The following LRRTM4 variants were observed in gnomAD, a reference collection of about 807,000 sequenced individuals.
LRRTM4 encodes leucine-rich repeat transmembrane neuronal protein 4.
A neutral mutation model predicts 47.6 loss-of-function variants in LRRTM4; 25 were observed. The observed-to-expected ratio is 0.53, with a 90% CI of 0.38 to 0.73. The LOEUF (loss-of-function observed/expected upper bound fraction) is 0.73. Among genes scored for constraint, LRRTM4 ranks in the 30% least tolerant of loss-of-function variants. The probability of loss-of-function intolerance (pLI) is 0.00; values close to 1 mark genes in which losing one functional copy is unlikely to be tolerated. For missense variants in LRRTM4, 638 were observed against 713.4 expected (o/e 0.89, Z 1.20); for synonymous variants, 311 against 269.5 (o/e 1.15, Z -1.51).
intron 3 of LRRTM4, among the ~76,000 whole-genome samples, chr2:77,336,281 A>G (rs1671166210): frequency 6.7e-6 from 1 of 149,814 alleles, no homozygotes; most frequent in African/African-American, 2.5e-5. Context: ...AGGAAGGGAG[A>G]AAGGAAACAA....
chr2:76,941,613 G>A (rs1041191327), intron 3 of LRRTM4, among the ~76,000 whole-genome samples: 7 of 151,960 alleles, frequency 4.6e-5, no homozygotes, highest in Admixed American at 2.6e-4. Flanking sequence ...TGGTTTCCAG[G>A]TCATAAATGT....
chr2:77,430,047 C>A (rs1199906169), intron 3 of LRRTM4, among the ~76,000 whole-genome samples: 3 of 151,618 alleles, frequency 2.0e-5, no homozygotes, highest in Non-Finnish European at 4.4e-5. Flanking sequence ...GCAGCCTGGG[C>A]AGCAGAGTAA....
chr2:77,362,143 A>AAGAAAGAAAGAAAG, intron 3 of LRRTM4, among the ~76,000 whole-genome samples: 1 of 149,652 alleles, frequency 6.7e-6, no homozygotes, highest in Admixed American at 6.7e-5. Context: ...GAAAGAAAGA[A>AAGAAAGAAAGAAAG]AGAAAGAAAG....
At chr2:77,261,840 G>A (rs927883444) in intron 3 of LRRTM4, among the ~76,000 whole-genome samples, 1 of 151,994 alleles carries the variant, frequency 6.6e-6, no homozygotes, top group Non-Finnish European at 1.5e-5. Context: ...TTACAGTAGA[G>A]GTCCTATACA....
At chr2:77,388,818 T>C (rs1258020225) in intron 3 of LRRTM4, among the ~76,000 whole-genome samples, 1 of 152,106 alleles carries the variant, frequency 6.6e-6, no homozygotes, top group Non-Finnish European at 1.5e-5. Flanking sequence ...AAAATCTGTA[T>C]GTATTTATAC....
intron 3 of LRRTM4, among the ~76,000 whole-genome samples, chr2:77,089,089 A>T (rs1483667226): frequency 1.3e-5 from 2 of 152,088 alleles, no homozygotes; most frequent in Non-Finnish European, 2.9e-5. Flanking sequence ...AGGGTGTCAG[A>T]CCACACAAGG....
At chr2:77,045,805 C>T (rs1048213146) in intron 3 of LRRTM4, among the ~76,000 whole-genome samples, 1 of 151,838 alleles carries the variant, frequency 6.6e-6, no homozygotes, top group East Asian at 1.9e-4. Context: ...TTATCAGCAG[C>T]ATGAAAATGG....
At chr2:77,338,653 A>C (rs998419606) in intron 3 of LRRTM4, among the ~76,000 whole-genome samples, 2 of 152,100 alleles carry the variant, frequency 1.3e-5, no homozygotes, top group African/African-American at 4.8e-5. Context: ...TGTTGATGGG[A>C]ATGTAAATTA....
chr2:77,495,673 GT>G (rs1476323555), intron 3 of LRRTM4, among the ~76,000 whole-genome samples: 1 of 151,932 alleles, frequency 6.6e-6, no homozygotes, highest in Non-Finnish European at 1.5e-5. Flanking sequence ...TTGCACTTTT[GT>G]CAAAGATCAG....
rs74599781 is a variant in LRRTM4 at position 77,058,863 on chromosome 2, T to C, written c.1552-309947A>G. Among the ~76,000 whole-genome samples, 810 of 152,296 alleles carry C rather than the reference T, an allele frequency of 5.3e-3. 5 individuals are homozygous for C. The highest frequency in any genetic ancestry group is 0.031 in the Middle Eastern group (9 of 294). ...TCTAATATAGGTAATATTGGATACT[T>C]AGTTCCTTTGAATCTTAAGACAGTA... is the stretch of plus-strand genomic sequence containing the variant. On this transcript the variant is annotated intron_variant, in intron 3 of 3. Transcript: ENST00000409884.
At chr2:76,979,701 G>GATAGATAGATAGATAGATAT (rs1298805785) in intron 3 of LRRTM4, among the ~76,000 whole-genome samples, 1 of 65,814 alleles carries the variant, frequency 1.5e-5, no homozygotes, top group Non-Finnish European at 3.1e-5. Flanking sequence ...ATAAGCGATA[G>GATAGATAGATAGATAGATAT]ATAGATAGAT....
At chr2:76,876,292 G>A (rs72821236) in intron 3 of LRRTM4, among the ~76,000 whole-genome samples, 2,277 of 152,094 alleles carry the variant, frequency 0.015, 53 homozygotes, top group East Asian at 0.078. Context: ...GGATAATAAA[G>A]TACCAGGCAT....
intron 3 of LRRTM4, among the ~76,000 whole-genome samples, chr2:77,447,454 G>T (rs537580043): frequency 6.6e-6 from 1 of 152,218 alleles, no homozygotes; most frequent in East Asian, 1.9e-4. Flanking sequence ...ACTGATACCT[G>T]ACACATCACT....
At chr2:77,257,816 C>T (rs1028463706) in intron 3 of LRRTM4, among the ~76,000 whole-genome samples, 4 of 151,546 alleles carry the variant, frequency 2.6e-5, no homozygotes, top group African/African-American at 9.7e-5. Flanking sequence ...TAATGGCAAA[C>T]GACCATGTGG....
chr2:77,444,797 C>T (rs1675984677), intron 3 of LRRTM4, among the ~76,000 whole-genome samples: 1 of 151,806 alleles, frequency 6.6e-6, no homozygotes, highest in Non-Finnish European at 1.5e-5. Context: ...TGGAAAATAT[C>T]AGAAAGCTAA....
intron 3 of LRRTM4, among the ~76,000 whole-genome samples, chr2:76,822,965 C>T (rs1671095156): frequency 6.6e-6 from 1 of 151,194 alleles, no homozygotes; most frequent in Non-Finnish European, 1.5e-5. Flanking sequence ...CGCACAAAAC[C>T]TTTCTAAAAT....
At chr2:77,263,579 T>A (rs1573164226) in intron 3 of LRRTM4, among the ~76,000 whole-genome samples, 2 of 152,220 alleles carry the variant, frequency 1.3e-5, no homozygotes, top group East Asian at 3.9e-4. Context: ...GAAAATTGGT[T>A]GAAGTGGGGA....
intron 3 of LRRTM4, among the ~76,000 whole-genome samples, chr2:77,382,190 G>T (rs1053857884): frequency 1.3e-5 from 2 of 151,956 alleles, no homozygotes; most frequent in Non-Finnish European, 2.9e-5. Flanking sequence ...TAAAAATATG[G>T]CAGATCTGCT....
chr2:76,906,094 G>C (rs1202751845), intron 3 of LRRTM4, among the ~76,000 whole-genome samples: 8 of 152,150 alleles, frequency 5.3e-5, no homozygotes, highest in Non-Finnish European at 1.2e-4. Flanking sequence ...GGCAGCCAGA[G>C]AGAAAGGTCG....
Sources: allele counts gnomAD v4.1 joint callset (sites outside exome capture counted in the v4.1 genomes callset), GRCh38; gene constraint gnomAD v4.1.1; transcripts MANE v1.5; gene names NCBI Gene and HGNC (gene_info 2026-07-23, HGNC 2026-07-21).